Variants in NEB observed in about 807,000 individuals in gnomAD.
NEB encodes nebulin, also known as nemaline myopathy type 2.
NEB carries 512 observed loss-of-function variants against 952.2 expected under a neutral mutation model. The observed-to-expected ratio is 0.54, with a 90% CI of 0.50 to 0.58. NEB has a LOEUF of 0.58. NEB is among the 20% of genes least tolerant of loss of function. The pLI is 0.00. For synonymous variants in NEB, 2,900 were observed against 3,149.8 expected, an observed-to-expected ratio of 0.92 and a Z score of 2.66; for missense variants, 8,428 against 9,231.1, an observed-to-expected ratio of 0.91 and a Z score of 3.56.
chr2:151,504,698 G>C (rs2067403499), intron 165 of NEB, among the ~76,000 whole-genome samples: 1 of 152,184 alleles, frequency 6.6e-6, no homozygotes, highest in South Asian at 2.1e-4. Context: ...ATAGTCTTTT[G>C]CTAGTAGCCA....
chr2:151,707,967 G>A (rs1041156044), intron 12 of NEB, among the ~76,000 whole-genome samples: 2 of 152,080 alleles, frequency 1.3e-5, no homozygotes, highest in Admixed American at 6.6e-5. Context: ...AAATGGAAAC[G>A]ACCAGAAAGC....
chr2:151,512,391 TCA>T (rs1239471919), intron 161 of NEB, among the ~76,000 whole-genome samples: 2 of 151,574 alleles, frequency 1.3e-5, no homozygotes, highest in Non-Finnish European at 2.9e-5. Context: ...AGTGGTGCAG[TCA>T]CAGCTGACTG....
chr2:151,524,623 T>G lies in NEB; in HGVS notation c.22273-7A>C, dbSNP rs755544084. ...CATCTTTTCTGTAAGCGACCTTTAT[T>G]GGGGAAGAAAATGTTTACTCAAGAG... is the stretch of plus-strand genomic sequence containing the variant. On this transcript the variant is annotated splice_polypyrimidine_tract_variant and splice_region_variant and intron_variant, in intron 151 of 181. Coordinates refer to ENST00000397345, the MANE Select transcript of NEB (RefSeq NM_001164508.2). 7 of 1,556,110 alleles carry G rather than the reference T, an allele frequency of 4.5e-6. 1 individual carries two copies. The highest frequency in any genetic ancestry group is 6.2e-6 in the Non-Finnish European group (7 of 1,133,530).
At chr2:151,578,147 G>A (rs1007035513) in intron 105 of NEB, among the ~76,000 whole-genome samples, 2 of 152,174 alleles carry the variant, frequency 1.3e-5, no homozygotes, top group African/African-American at 4.8e-5. Flanking sequence ...TAATTTTTAA[G>A]TTATCCATTC....
chr2:151,506,431 C>A (rs2068909835), intron 163 of NEB, 173 bp from the exon 164 acceptor site: 4 of 588,470 alleles, frequency 6.8e-6, no homozygotes, highest in Non-Finnish European at 1.2e-5. Flanking sequence ...TGACTCAGAC[C>A]AGTTATACAA....
intron 129 of NEB, among the ~76,000 whole-genome samples, 181 bp downstream of exon 129, chr2:151,551,557 T>C (rs1397270713): frequency 2.6e-5 from 4 of 152,248 alleles, no homozygotes; most frequent in Admixed American, 6.5e-5. Context: ...GATTGCTCCA[T>C]AGGGGGATCC....
chr2:151,519,016 C>A lies in NEB; in HGVS notation c.22644G>T (p.Lys7548Asn). 6.2e-7 allele frequency: 1 copy of A among 1,613,728 alleles called. No homozygotes were observed. The highest frequency in any genetic ancestry group is 2.2e-5 in the East Asian group (1 of 44,856). ...KKLHKPVTDM[K>N]ESLIMNHVLN... is the part of the protein sequence containing the mutation. ...GGACATGATTCATGATCAGAGACTC[C>A]TTCATGTCAGTCACGGGTTTGTGAA... The change falls in exon 155 of 182, where the codon AAG becomes AAT. Residue 7548 changes from lysine (K) to asparagine (N), a missense_variant. Coordinates refer to ENST00000397345, the MANE Select transcript of NEB (RefSeq NM_001164508.2).
At chr2:151,531,376 G>T (rs2090827094) in intron 144 of NEB, among the ~76,000 whole-genome samples, 2 of 137,936 alleles carry the variant, frequency 1.4e-5, no homozygotes, top group African/African-American at 2.7e-5. Context: ...GAGTGCAGTG[G>T]CATGATCTTG....
At chr2:151,553,706 T>C in intron 126 of NEB, 122 bp downstream of exon 126, 1 of 1,051,044 alleles carries the variant, frequency 9.5e-7, no homozygotes, top group Non-Finnish European at 1.4e-6. Flanking sequence ...GTTGGACAAA[T>C]GGACATATAG....
chr2:151,562,238 A>C (rs1198924586), intron 120 of NEB, 24 bp from the exon 121 acceptor site: 1 of 1,527,700 alleles, frequency 6.5e-7, no homozygotes, highest in Non-Finnish European at 9.1e-7. Context: ...AGAACAATGA[A>C]ATGTGGAAGG....
At position 151,656,388 on chromosome 2, in the gene NEB, A is replaced by C; in HGVS notation, c.6260T>G (p.Leu2087Ter). The C allele has an allele frequency of 6.2e-7, 1 of 1,613,592 alleles. No individual in the cohort carries two copies. Among genetic ancestry groups the C allele is most frequent in the East Asian group, 2.2e-5 (1 of 44,880 alleles). The part of the protein sequence containing the change: ...GFRSLEDDPK[L>*]VHSMQVAKMQ... Reference sequence around the variant, plus strand: ...CTTAGCCACTTGCATGGAATGGACTAATTTGGGATCATCCTCGAGACTGCG... The same window carrying C: ...CTTAGCCACTTGCATGGAATGGACTCATTTGGGATCATCCTCGAGACTGCG... The change falls in exon 49 of 182, where the codon TTA (leucine) becomes TGA (stop). Residue 2087 changes from leucine to a stop codon, truncating the protein, a stop_gained. Transcript: ENST00000397345. LOFTEE classifies it high-confidence loss of function.
In NEB at chr2:151,535,759, C is replaced by G. The variant is rs1266830125; in HGVS notation, c.21244G>C (p.Asp7082His). 6.2e-7 allele frequency: 1 copy of G among 1,607,094 alleles called. No individual in the cohort carries two copies. The highest frequency in any genetic ancestry group is 2.2e-5 in the East Asian group (1 of 44,744). The change falls in exon 142 of 182, where the codon GAT becomes CAT. Residue 7082 changes from aspartate (D) to histidine (H), a missense_variant. Around this residue, in one of 11 missense-constraint regions of NEB, gnomAD observed 3,374 missense variants for 3,651.5 expected, o/e 0.92. Coordinates refer to ENST00000397345, the MANE Select transcript of NEB (RefSeq NM_001164508.2). ...GGAGAGTCGGCAACATACTTGAAAT[C>G]TGACTTTGTCCTTTCAAATACTTCT... ...YKEVFERTKSDFKYVADSPIN... is the reference protein window; with the variant it reads ...YKEVFERTKSHFKYVADSPIN...
rs778972474 is a variant in NEB at position 151,491,769 on chromosome 2, C to T, written c.25064G>A (p.Arg8355His). The T allele has an allele frequency of 1.6e-5, 25 of 1,584,600 alleles. No homozygotes were observed. The highest frequency in any genetic ancestry group is 2.1e-5 in the Non-Finnish European group (24 of 1,164,226). ...DQDQETITGL[R>H]VWRTNPGSVF... is the part of the protein sequence containing the mutation. ...CGAACCAGGATTAGTACGCCAGACA[C>T]GTAAACCTGAAAGGGAAACCAGTGA... The change falls in exon 179 of 182, where the codon CGT becomes CAT. Residue 8355 changes from arginine to histidine, a missense_variant. By Grantham distance (29) the Arg-to-His change is conservative. Around this residue, in one of 11 missense-constraint regions of NEB, gnomAD observed 3,374 missense variants for 3,651.5 expected, o/e 0.92. Coordinates refer to ENST00000397345, the MANE Select transcript of NEB (RefSeq NM_001164508.2).
intron 46 of NEB, among the ~76,000 whole-genome samples, chr2:151,661,101 G>C (rs1017539399): frequency 6.6e-6 from 1 of 152,084 alleles, no homozygotes; most frequent in Non-Finnish European, 1.5e-5. Flanking sequence ...TCTCTGGGCT[G>C]TTCTTTTCTC....
chr2:151,542,695 A>G (rs1337008050), intron 135 of NEB, among the ~76,000 whole-genome samples: 1 of 152,094 alleles, frequency 6.6e-6, no homozygotes, highest in East Asian at 1.9e-4. Flanking sequence ...CTTATTTTCT[A>G]CATGTCAAAA....
Position 151,565,149 on chromosome 2 carries a change from C to T in NEB, c.18367-1G>A. Reference sequence around the variant, plus strand: ...TATTAAATGTTTCTTTATATTTTACCTAAGGAGAGAAAACCAAATCTTTTA... The same window carrying T: ...TATTAAATGTTTCTTTATATTTTACTTAAGGAGAGAAAACCAAATCTTTTA... On this transcript the variant is annotated splice_acceptor_variant, in intron 116 of 181. Transcript: ENST00000397345. LOFTEE classifies it high-confidence loss of function. 2 of 1,482,700 alleles carry T rather than the reference C, an allele frequency of 1.3e-6. No individual in the cohort carries two copies. Among genetic ancestry groups the T allele is most frequent in the Non-Finnish European group, 1.8e-6 (2 of 1,082,360 alleles). 91.8% of individuals were successfully genotyped at this position (1,482,700 alleles called of 1,614,324 possible). A position where few individuals can be genotyped will look rare whatever the true frequency, so the allele number is the denominator to read the frequency against.
Position 151,532,981 on chromosome 2 carries a change from T to C in NEB, c.21417+461A>G, listed in dbSNP as rs2092086782. Among the ~76,000 whole-genome samples the C allele has an allele frequency of 1.3e-5, 2 of 152,174 alleles. 1 individual carries two copies. Among genetic ancestry groups the C allele is most frequent in the South Asian group, 4.1e-4 (2 of 4,832 alleles). ...TCAGCATCAAAGTCAAGAGGCGCCATGAATATATACAATATTCATAGAGCT... is the reference window on the plus strand; with the variant it reads ...TCAGCATCAAAGTCAAGAGGCGCCACGAATATATACAATATTCATAGAGCT... On this transcript the variant is annotated intron_variant, in intron 143 of 181. Transcript: ENST00000397345.
intron 28 of NEB, among the ~76,000 whole-genome samples, chr2:151,683,796 T>G (rs1300269289): frequency 3.3e-5 from 5 of 152,140 alleles, no homozygotes; most frequent in Non-Finnish European, 7.4e-5. Context: ...CAAAATAGCT[T>G]AAAGGTGGAA....
chr2:151,652,628 G>A (rs1025898731), intron 52 of NEB, among the ~76,000 whole-genome samples: 81 of 152,162 alleles, frequency 5.3e-4, no homozygotes, highest in African/African-American at 1.8e-3. Flanking sequence ...GTTATCTTCC[G>A]ACTCTAAATT....
Sources: gnomAD v4.1 joint callset for allele counts (sites outside exome capture counted in the v4.1 genomes callset) on GRCh38, gnomAD v4.1.1 for gene constraint, gnomAD v4.1.1 regional missense constraint, MANE v1.5 for transcripts, NCBI Gene and HGNC (gene_info 2026-07-23, HGNC 2026-07-21) for gene names.